Variants in ACYP2 observed in about 807,000 individuals in gnomAD.
The protein encoded by ACYP2 is acylphosphatase-2.
In ACYP2, 12 loss-of-function variants were observed where a neutral mutation model predicts 11.2. The observed-to-expected ratio is 1.08, with a 90% CI of 0.69 to 1.74. ACYP2 has a LOEUF of 1.74. Ranked by LOEUF, ACYP2 falls within the 40% of genes most tolerant of loss-of-function variation. ACYP2 has a pLI of 0.00. For synonymous variants in ACYP2, 43 were observed against 32.2 expected, an observed-to-expected ratio of 1.33 and a Z score of -1.13; for missense variants, 134 against 101.9, an observed-to-expected ratio of 1.31 and a Z score of -1.35.
intron 2 of ACYP2, among the ~76,000 whole-genome samples, chr2:54,027,552 T>A (rs1223973701): frequency 1.3e-5 from 2 of 152,208 alleles, no homozygotes; most frequent in African/African-American, 4.8e-5. Context: ...AGCTCTCATG[T>A]CACATAAAAC....
chr2:54,110,915 A>C (rs998805036), intron 4 of ACYP2, among the ~76,000 whole-genome samples: 1 of 152,054 alleles, frequency 6.6e-6, no homozygotes, highest in African/African-American at 2.4e-5. Flanking sequence ...ACTGCCAAGC[A>C]GAGCAAAGAG....
intron 4 of ACYP2, 21 bp downstream of exon 1, chr2:54,115,777 G>C: frequency 6.3e-7 from 1 of 1,585,200 alleles, no homozygotes; most frequent in African/African-American, 1.4e-5. Flanking sequence ...CCTCTACGGT[G>C]GGAGATCAAA....
intron 1 of ACYP2, chr2:53,973,688 C>T: frequency 3.9e-6 from 1 of 256,550 alleles, no homozygotes; most frequent in Middle Eastern, 1.3e-3. Context: ...GTAATCCCAA[C>T]ACCCTTTGCT....
intron 6 of ACYP2, among the ~76,000 whole-genome samples, chr2:54,257,341 A>G (rs1192609855): frequency 6.6e-6 from 1 of 152,184 alleles, no homozygotes; most frequent in Non-Finnish European, 1.5e-5. Context: ...TATCTAATTG[A>G]CCCAGCACTG....
At chr2:54,042,608 A>T (rs1675296175) in intron 2 of ACYP2, among the ~76,000 whole-genome samples, 1 of 152,194 alleles carries the variant, frequency 6.6e-6, no homozygotes, top group African/African-American at 2.4e-5. Flanking sequence ...CTTTTTGGCC[A>T]GGACTCAATA....
intron 6 of ACYP2, among the ~76,000 whole-genome samples, chr2:54,232,793 A>T (rs1325674227): frequency 6.6e-6 from 1 of 152,130 alleles, no homozygotes; most frequent in Non-Finnish European, 1.5e-5. Context: ...TTAAACCATC[A>T]GATCTCATGA....
chr2:54,102,506 G>T (rs1194460406), intron 4 of ACYP2, among the ~76,000 whole-genome samples: 1 of 151,864 alleles, frequency 6.6e-6, no homozygotes, highest in Non-Finnish European at 1.5e-5. Flanking sequence ...TTGCAAGGAG[G>T]TCTAGGCTTA....
At chr2:54,018,209 T>TA (rs1673802290) in intron 2 of ACYP2, among the ~76,000 whole-genome samples, 2 of 152,194 alleles carry the variant, frequency 1.3e-5, no homozygotes, top group South Asian at 4.1e-4. Context: ...CAGTATCACC[T>TA]AGAGGGTTTC....
chr2:54,098,222 G>A (rs963454054), intron 4 of ACYP2, among the ~76,000 whole-genome samples: 1 of 152,136 alleles, frequency 6.6e-6, no homozygotes, highest in African/African-American at 2.4e-5. Context: ...ACCTGCCTCA[G>A]CCTCCCAAAG....
intron 2 of ACYP2, among the ~76,000 whole-genome samples, chr2:54,049,516 T>C (rs181702840): frequency 2.7e-4 from 41 of 152,268 alleles, no homozygotes; most frequent in African/African-American, 9.6e-4. Flanking sequence ...AACTTTACAT[T>C]CTTTTTGTGT....
chr2:54,139,468 G>A (rs1421618), intron 6 of ACYP2, among the ~76,000 whole-genome samples: 10,127 of 152,240 alleles, frequency 0.067, 511 homozygotes, highest in East Asian at 0.29. Flanking sequence ...ACACAATGAC[G>A]TTTTCAAAAG....
intron 4 of ACYP2, among the ~76,000 whole-genome samples, chr2:54,086,217 TTA>T (rs1677937679): frequency 6.6e-6 from 1 of 152,110 alleles, no homozygotes; most frequent in Admixed American, 6.6e-5. Context: ...AGTGCTAGGA[TTA>T]TAGGTGTGAG....
chr2:54,248,597 C>T (rs1392418266), intron 6 of ACYP2, among the ~76,000 whole-genome samples: 1 of 152,026 alleles, frequency 6.6e-6, no homozygotes, highest in East Asian at 1.9e-4. Flanking sequence ...TATGTCATAG[C>T]CCCCAAGCTT....
chr2:54,158,197 GTTT>G (rs5831292), intron 6 of ACYP2, among the ~76,000 whole-genome samples: 15 of 130,254 alleles, frequency 1.2e-4, no homozygotes, highest in African/African-American at 3.1e-4. Flanking sequence ...AGTTAACTTT[GTTT>G]TTTTTTTTTT....
chr2:54,002,537 G>C (rs1672850728), intron 2 of ACYP2, among the ~76,000 whole-genome samples: 1 of 151,824 alleles, frequency 6.6e-6, no homozygotes, highest in Non-Finnish European at 1.5e-5. Context: ...GTAGAGACGA[G>C]GGACAGGGTT....
At chr2:54,254,906 C>T (rs749476045) in intron 6 of ACYP2, 1 of 1,599,444 alleles carries the variant, frequency 6.3e-7, no homozygotes. Flanking sequence ...AGGAGTAATT[C>T]CAAAGGCAAA....
At chr2:54,144,744 A>G (rs955774314) in intron 6 of ACYP2, among the ~76,000 whole-genome samples, 7 of 152,042 alleles carry the variant, frequency 4.6e-5, no homozygotes, top group Non-Finnish European at 8.8e-5. Flanking sequence ...ATCTTGTAGA[A>G]CTTCATTTTC....
intron 2 of ACYP2, among the ~76,000 whole-genome samples, chr2:54,001,866 T>C (rs1055470212): frequency 6.6e-6 from 1 of 152,198 alleles, no homozygotes; most frequent in Non-Finnish European, 1.5e-5. Flanking sequence ...AGAGCTGTTT[T>C]AGGTTCACAG....
intron 6 of ACYP2, among the ~76,000 whole-genome samples, chr2:54,165,420 C>A (rs1247094537): frequency 6.6e-6 from 1 of 151,880 alleles, no homozygotes; most frequent in East Asian, 1.9e-4. Flanking sequence ...AATTTTAGAT[C>A]TAGAAGGGAC....
Sources: allele counts gnomAD v4.1 joint callset (sites outside exome capture counted in the v4.1 genomes callset), GRCh38; gene constraint gnomAD v4.1.1; transcripts MANE v1.5; gene names NCBI Gene and HGNC (gene_info 2026-07-23, HGNC 2026-07-21).